The following DCTPP1 variants were observed in gnomAD, a reference collection of about 807,000 sequenced individuals.
DCTPP1 encodes XTP3-transactivated gene A protein.
In DCTPP1, 8 loss-of-function variants were observed where a neutral mutation model predicts 8.8. The observed-to-expected ratio is 0.91, with a 90% CI of 0.54 to 1.64. The LOEUF (loss-of-function observed/expected upper bound fraction) is 1.64, where lower values mean the gene tolerates loss of function less well. Ranked by LOEUF, DCTPP1 falls within the 40% of genes most tolerant of loss-of-function variation. The pLI is 0.00. For missense variants in DCTPP1, 231 were observed against 230.4 expected, an observed-to-expected ratio of 1.00 and a Z score of -0.02; for synonymous variants, 85 against 92.1, an observed-to-expected ratio of 0.92 and a Z score of 0.44.
At chr16:30,428,591 G>A (rs1030546658) in intron 2 of DCTPP1, among the ~76,000 whole-genome samples, 2 of 151,858 alleles carry the variant, frequency 1.3e-5, no homozygotes, top group African/African-American at 4.8e-5. Context: ...CCAATATGGT[G>A]AAACCCCGTC....
In DCTPP1 at chr16:30,424,397, C is replaced by A; in HGVS notation, c.349G>T (p.Ala117Ser). The A allele has an allele frequency of 6.2e-7, 1 of 1,614,006 alleles. No homozygotes were observed. The highest frequency in any genetic ancestry group is 1.3e-5 in the African/African-American group (1 of 74,986). The change falls in exon 3 of 3, where the codon GCA becomes TCA. Residue 117 changes from alanine to serine, a missense_variant. Transcript: ENST00000319285. ...TTGATGTCCATTTTGGAGAGCACTG[C>A]TAGCGGCAGATCCACACGGCAGCGG... ...AARCRVDLPL[A>S]VLSKMDINRR...
chr16:30,424,574 C>A, intron 2 of DCTPP1, 41 bp from the exon 3 acceptor site: 1 of 1,595,286 alleles, frequency 6.3e-7, no homozygotes, highest in Admixed American at 1.7e-5. Context: ...CAGATGTAAC[C>A]TGGGGCAATG....
chr16:30,425,469 C>A (rs1296341653), intron 2 of DCTPP1, among the ~76,000 whole-genome samples: 1 of 151,982 alleles, frequency 6.6e-6, no homozygotes, highest in Non-Finnish European at 1.5e-5. Flanking sequence ...GCCTGGGAAA[C>A]AGAGCAAGAC....
Position 30,426,417 on chromosome 16 carries a change from C to T in DCTPP1, c.213-1884G>A, listed in dbSNP as rs145698763. Among the ~76,000 whole-genome samples the T allele has an allele frequency of 8.8e-3, 1,335 of 151,156 alleles. 18 individuals are homozygous for T. The highest frequency in any genetic ancestry group is 0.03 in the African/African-American group (1,244 of 41,198). On this transcript the variant is annotated intron_variant, in intron 2 of 2. Transcript: ENST00000319285. ...GTCTCGATCTCCTGACCTCATGATC[C>T]GCCTGCCTTGGTCTCCCAAAATGCT...
At chr16:30,429,755 C>T in intron 1 of DCTPP1, 125 bp downstream of exon 1, 1 of 899,698 alleles carries the variant, frequency 1.1e-6, no homozygotes, top group Non-Finnish European at 1.6e-6. Flanking sequence ...CACCCAGGGA[C>T]AGCCCACAGA....
intron 2 of DCTPP1, among the ~76,000 whole-genome samples, chr16:30,425,773 C>T (rs1206564325): frequency 6.6e-6 from 1 of 152,156 alleles, no homozygotes; most frequent in Non-Finnish European, 1.5e-5. Context: ...CCCGCCATGA[C>T]GCCATCACAC....
At chr16:30,424,669 G>C (rs2050183225) in intron 2 of DCTPP1, 136 bp from the exon 3 acceptor site, 24 of 1,099,240 alleles carry the variant, frequency 2.2e-5, no homozygotes, top group Non-Finnish European at 2.8e-5. Context: ...AGGTGGGGAA[G>C]AGACCCCGAC....
chr16:30,426,276 C>A (rs1013988088), intron 2 of DCTPP1, among the ~76,000 whole-genome samples: 9 of 151,404 alleles, frequency 5.9e-5, no homozygotes, highest in Non-Finnish European at 3.0e-5. Context: ...CCCAGGTTCA[C>A]GCCATTCTCC....
In DCTPP1 at chr16:30,429,872, C is replaced by T. The variant is rs1305683444; in HGVS notation, c.101+8G>A. 15 of 1,597,982 alleles carry T rather than the reference C, an allele frequency of 9.4e-6. No homozygotes were observed. The highest frequency in any genetic ancestry group is 7.8e-5 in the South Asian group (7 of 90,184). On this transcript the variant is annotated splice_region_variant and intron_variant, in intron 1 of 2. Transcript: ENST00000319285. ...TTCCCCACCCCGAGCTGGGCCAGGC[C>T]TGCTTACATGTCCTCGAGCGTGGGC...
rs2050177723 is a variant in DCTPP1, at chr16:30,423,967, A to T, written c.*266T>A. On this transcript the variant is annotated 3_prime_UTR_variant, in exon 3 of 3. Transcript: ENST00000319285. ...AAACACGAGAATGGGTCTCAGAGGCACCCCTGGTACCCCCGTCATCACCTG... is the reference window on the plus strand; with the variant it reads ...AAACACGAGAATGGGTCTCAGAGGCTCCCCTGGTACCCCCGTCATCACCTG... 2.1e-6 allele frequency: 1 copy of T among 473,316 alleles called. No homozygotes were observed. Among genetic ancestry groups the T allele is most frequent in the Admixed American group, 3.8e-5 (1 of 26,468 alleles). 29.3% of individuals were successfully genotyped at this position (473,316 alleles called of 1,614,324 possible). A position where few individuals can be genotyped will look rare whatever the true frequency, so the allele number is the denominator to read the frequency against.
intron 2 of DCTPP1, among the ~76,000 whole-genome samples, chr16:30,427,367 C>T (rs1286770656): frequency 6.6e-6 from 1 of 150,836 alleles, no homozygotes; most frequent in Non-Finnish European, 1.5e-5. Context: ...GGCTGGAGTG[C>T]CATGGTGTGA....
intron 2 of DCTPP1, among the ~76,000 whole-genome samples, chr16:30,428,472 A>AG (rs1341258307): frequency 1.3e-5 from 2 of 152,188 alleles, no homozygotes; most frequent in African/African-American, 2.4e-5. Context: ...CCAGAGGCAG[A>AG]GGAAAAGGGT....
At position 30,424,635 on chromosome 16, in the gene DCTPP1, C is replaced by G. The variant is rs538816796; in HGVS notation, c.213-102G>C. On this transcript the variant is annotated intron_variant, in intron 2 of 2. Transcript: ENST00000319285. Reference sequence around the variant, plus strand: ...ACACCCACCTCCAAGGACGACCTAACCAATCTGGGCCCTGGGAAGAGTCAG... The same window carrying G: ...ACACCCACCTCCAAGGACGACCTAAGCAATCTGGGCCCTGGGAAGAGTCAG... 134 of 1,427,732 alleles carry G rather than the reference C, an allele frequency of 9.4e-5. 3 individuals carry two copies. The South Asian group carries it at 1.7e-3, about 18-fold the overall frequency. The allele number at this position is 1,427,732 out of a possible 1,614,324, so 88.4% of individuals were successfully genotyped here. A position where few individuals can be genotyped will look rare whatever the true frequency, so the allele number is the denominator to read the frequency against.
chr16:30,424,072 A>T lies in DCTPP1; in HGVS notation c.*161T>A. On this transcript the variant is annotated 3_prime_UTR_variant, in exon 3 of 3. Coordinates refer to ENST00000319285, the MANE Select transcript of DCTPP1 (RefSeq NM_024096.2). ...AAACCATTTTACTGGGAGAACAAAC[A>T]CCAGGAGGCTACCTTCTAGAGGCTG... The T allele has an allele frequency of 1.2e-6, 1 of 828,702 alleles. No homozygotes were observed. Among genetic ancestry groups the T allele is most frequent in the Non-Finnish European group, 1.8e-6 (1 of 546,102 alleles). The allele number at this position is 828,702 out of a possible 1,614,324, so 51.3% of individuals were successfully genotyped here.
rs546626955 is a variant in DCTPP1 at position 30,424,377 on chromosome 16, G to A, written c.369C>T (p.Asp123=). 104 of 1,614,112 alleles carry A rather than the reference G, an allele frequency of 6.4e-5. No individual in the cohort carries two copies. Among genetic ancestry groups the A allele is most frequent in the Non-Finnish European group, 8.6e-5 (101 of 1,180,052 alleles). ...GGGCTGGGTAGCGTCGCCGGTTGATGTCCATTTTGGAGAGCACTGCTAGCG... is the reference window on the plus strand; with the variant it reads ...GGGCTGGGTAGCGTCGCCGGTTGATATCCATTTTGGAGAGCACTGCTAGCG... ...DLPLAVLSKM[D]INRRRYPAHL... Residue 123 remains aspartate (D), a synonymous_variant, in exon 3 of 3, where the codon GAC becomes GAT. Transcript: ENST00000319285.
intron 2 of DCTPP1, among the ~76,000 whole-genome samples, chr16:30,425,304 T>C (rs1191091364): frequency 2.7e-5 from 4 of 149,710 alleles, no homozygotes; most frequent in Non-Finnish European, 4.5e-5. Flanking sequence ...CTGGCCAAGA[T>C]GGTGAAACCC....
intron 1 of DCTPP1, 117 bp from the exon 2 acceptor site, chr16:30,429,284 T>C: frequency 1.0e-6 from 1 of 954,968 alleles, no homozygotes; most frequent in Admixed American, 2.6e-5. Flanking sequence ...ATTCTGCAAC[T>C]AATTCATTGG....
At chr16:30,428,777 CAAAAAAA>C (rs2050208210) in intron 2 of DCTPP1, 1 of 417,510 alleles carries the variant, frequency 2.4e-6, no homozygotes. Context: ...AAAAAAAAGC[CAAAAAAA>C]CAAAAAACAA....
intron 2 of DCTPP1, among the ~76,000 whole-genome samples, chr16:30,426,472 G>A (rs1012228251): frequency 8.3e-6 from 1 of 120,656 alleles, no homozygotes; most frequent in Non-Finnish European, 1.7e-5. Flanking sequence ...ACAGCACCTG[G>A]CCGGTTTTTT....
Sources: gnomAD v4.1 joint callset for allele counts (sites outside exome capture counted in the v4.1 genomes callset) on GRCh38, gnomAD v4.1.1 for gene constraint, MANE v1.5 for transcripts, NCBI Gene and HGNC (gene_info 2026-07-23, HGNC 2026-07-21) for gene names.